Variants in CNTN3 observed in about 807,000 individuals in gnomAD.
CNTN3 encodes contactin 3.
In CNTN3, 60 loss-of-function variants were observed where a neutral mutation model predicts 119.1. The ratio of observed to expected loss-of-function variants is 0.50; its 90% CI spans 0.41 to 0.62. The LOEUF is 0.62. Ranked by LOEUF, CNTN3 falls within the 20% of genes least tolerant of loss-of-function variation. CNTN3 has a pLI of 0.00. For synonymous variants in CNTN3, 450 were observed against 438.7 expected, an observed-to-expected ratio of 1.03 and a Z score of -0.32; for missense variants, 1,101 against 1,242.4, an observed-to-expected ratio of 0.89 and a Z score of 1.71.
At chr3:74,386,854 C>T (rs1367287131) in intron 5 of CNTN3, among the ~76,000 whole-genome samples, 4 of 152,130 alleles carry the variant, frequency 2.6e-5, no homozygotes, top group East Asian at 1.9e-4. Context: ...TTTGGTCTTG[C>T]TTGATTGTCC....
intron 4 of CNTN3, among the ~76,000 whole-genome samples, chr3:74,433,093 A>G (rs13069510): frequency 0.4 from 61,424 of 151,860 alleles, 12,665 homozygotes; most frequent in East Asian, 0.56. Context: ...CATTATCGAA[A>G]TTGCTACTGC....
At chr3:74,580,923 C>T (rs912178741) in intron 1 of CNTN3, among the ~76,000 whole-genome samples, 101 of 152,228 alleles carry the variant, frequency 6.6e-4, no homozygotes, top group African/African-American at 2.4e-3. Context: ...TGCCATGTTG[C>T]TCACATTGGT....
At chr3:74,467,117 T>A (rs549529662) in intron 4 of CNTN3, among the ~76,000 whole-genome samples, 22 of 152,200 alleles carry the variant, frequency 1.4e-4, no homozygotes, top group African/African-American at 5.1e-4. Context: ...TACAATTTTT[T>A]TCAAAAAAGG....
intron 3 of CNTN3, among the ~76,000 whole-genome samples, chr3:74,499,361 G>A (rs951970867): frequency 1.3e-5 from 2 of 151,868 alleles, no homozygotes; most frequent in Admixed American, 6.6e-5. Context: ...TCCCCACAAT[G>A]AATGTGTTCT....
intron 5 of CNTN3, among the ~76,000 whole-genome samples, chr3:74,389,015 T>C (rs866048420): frequency 1.8e-4 from 27 of 152,306 alleles, no homozygotes; most frequent in Non-Finnish European, 2.6e-4. Flanking sequence ...TTTGGATTCA[T>C]ACCGTCAACA....
In CNTN3 at chr3:74,361,992, A is replaced by G. The variant is rs974343879; in HGVS notation, c.1262T>C (p.Val421Ala). The change falls in exon 11 of 23, where the codon GTG becomes GCG. Residue 421 changes from valine to alanine, a missense_variant. Coordinates refer to ENST00000263665, the MANE Select transcript of CNTN3 (RefSeq NM_020872.3). ...SKNPMKKLVQ[V>A]QVGSLVSLDC... ...CAAGCTGACCAGGCTGCCCACCTGC[A>G]CCTGAACCAACTTCTTCATTGGATT... The G allele has an allele frequency of 2.5e-6, 4 of 1,613,642 alleles. No individual in the cohort carries two copies. In the South Asian group the frequency reaches 3.3e-5, roughly 13 times the overall value.
chr3:74,362,888 T>C (rs527665724), intron 10 of CNTN3, among the ~76,000 whole-genome samples: 5 of 152,200 alleles, frequency 3.3e-5, no homozygotes, highest in Non-Finnish European at 7.3e-5. Flanking sequence ...CATGTGATTG[T>C]GGTAAAGAAA....
chr3:74,452,362 T>C (rs1702175539), intron 4 of CNTN3, among the ~76,000 whole-genome samples: 2 of 125,810 alleles, frequency 1.6e-5, no homozygotes, highest in Non-Finnish European at 3.3e-5. Flanking sequence ...CGCACATTGA[T>C]TTTGTATCCT....
intron 13 of CNTN3, among the ~76,000 whole-genome samples, chr3:74,323,324 T>C (rs1478307447): frequency 6.6e-6 from 1 of 152,178 alleles, no homozygotes; most frequent in Non-Finnish European, 1.5e-5. Flanking sequence ...AAGTTTATTT[T>C]TTAAAAGGGG....
chr3:74,429,300 T>G (rs1240722283), intron 4 of CNTN3, among the ~76,000 whole-genome samples: 1 of 151,956 alleles, frequency 6.6e-6, no homozygotes, highest in Non-Finnish European at 1.5e-5. Flanking sequence ...GCTTATAATA[T>G]AGCTACAATG....
intron 19 of CNTN3, 76 bp from the exon 20 acceptor site, chr3:74,285,567 T>C (rs969735555): frequency 3.6e-6 from 5 of 1,400,700 alleles, no homozygotes; most frequent in Non-Finnish European, 4.9e-6. Flanking sequence ...TTCATTAAAA[T>C]GGGCACTGAC....
At chr3:74,347,717 G>A (rs1703726892) in intron 11 of CNTN3, among the ~76,000 whole-genome samples, 1 of 152,178 alleles carries the variant, frequency 6.6e-6, no homozygotes, top group African/African-American at 2.4e-5. Flanking sequence ...ACATGGCAGA[G>A]CACGTGGTAG....
chr3:74,374,592 C>A (rs1704429918), intron 5 of CNTN3, among the ~76,000 whole-genome samples: 1 of 151,970 alleles, frequency 6.6e-6, no homozygotes, highest in South Asian at 2.1e-4. Flanking sequence ...GCCCTGCAGA[C>A]AAGTGAAGGC....
At chr3:74,355,910 C>A (rs1166825777) in intron 11 of CNTN3, among the ~76,000 whole-genome samples, 1 of 152,056 alleles carries the variant, frequency 6.6e-6, no homozygotes, top group African/African-American at 2.4e-5. Flanking sequence ...CTGCCCAATT[C>A]TCTCTGAACA....
At chr3:74,484,845 A>AATG (rs1279101551) in intron 4 of CNTN3, among the ~76,000 whole-genome samples, 3 of 152,168 alleles carry the variant, frequency 2.0e-5, no homozygotes, top group Non-Finnish European at 4.4e-5. Flanking sequence ...TTATCAACCA[A>AATG]ATGATGTCCT....
chr3:74,506,974 C>T (rs1372158251), intron 2 of CNTN3, among the ~76,000 whole-genome samples: 1 of 152,110 alleles, frequency 6.6e-6, no homozygotes, highest in Non-Finnish European at 1.5e-5. Flanking sequence ...GGGTTCAGGT[C>T]AAGGCCAGTT....
At chr3:74,326,136 T>C (rs1335918738) in intron 13 of CNTN3, among the ~76,000 whole-genome samples, 3 of 152,280 alleles carry the variant, frequency 2.0e-5, no homozygotes, top group Admixed American at 2.0e-4. Flanking sequence ...CCTCTCTGTC[T>C]GTCATTATAT....
intron 13 of CNTN3, among the ~76,000 whole-genome samples, chr3:74,306,078 A>G (rs760103772): frequency 1.3e-5 from 2 of 151,704 alleles, no homozygotes; most frequent in Non-Finnish European, 2.9e-5. Flanking sequence ...GGCATTTAAG[A>G]AAAAAAAGGT....
intron 1 of CNTN3, among the ~76,000 whole-genome samples, chr3:74,571,742 C>A (rs1704337896): frequency 6.6e-6 from 1 of 152,172 alleles, no homozygotes; most frequent in African/African-American, 2.4e-5. Flanking sequence ...TAGAAACCAT[C>A]ATTTTATACT....
Sources: gnomAD v4.1 joint callset for allele counts (sites outside exome capture counted in the v4.1 genomes callset) on GRCh38, gnomAD v4.1.1 for gene constraint, MANE v1.5 for transcripts, NCBI Gene and HGNC (gene_info 2026-07-23, HGNC 2026-07-21) for gene names.